PDSS2: variants seen among roughly 807,000 people sequenced by gnomAD.
The protein encoded by PDSS2 is decaprenyl diphosphate synthase subunit 2.
In PDSS2, 31 loss-of-function variants were observed where a neutral mutation model predicts 44.5. The ratio of observed to expected loss-of-function variants is 0.70; its 90% confidence interval spans 0.52 to 0.94. The LOEUF (loss-of-function observed/expected upper bound fraction) is 0.94, where lower values mean the gene tolerates loss of function less well. Ranked by LOEUF, PDSS2 falls within the 40% of genes least tolerant of loss-of-function variation. The pLI, the probability that PDSS2 is intolerant of heterozygous loss-of-function variation, is 0.00. For missense variants in PDSS2, 452 were observed against 482.2 expected (o/e 0.94, Z 0.59); for synonymous variants, 157 against 180.3 (o/e 0.87, Z 1.03).
chr6:107,297,329 T>C (rs982343211), intron 2 of PDSS2, among the ~76,000 whole-genome samples: 1 of 152,042 alleles, frequency 6.6e-6, no homozygotes, highest in Non-Finnish European at 1.5e-5. Context: ...CTAGAAAAAA[T>C]ACTCCCAGAA....
chr6:107,161,252 G>A (rs1457050410), intron 7 of PDSS2, among the ~76,000 whole-genome samples: 4 of 151,758 alleles, frequency 2.6e-5, no homozygotes, highest in Non-Finnish European at 4.4e-5. Context: ...AAGCTGAGGC[G>A]GGCGGATCAC....
chr6:107,294,276 T>G (rs1776438820), intron 2 of PDSS2, among the ~76,000 whole-genome samples: 1 of 152,098 alleles, frequency 6.6e-6, no homozygotes, highest in African/African-American at 2.4e-5. Context: ...AAGCTTAAAA[T>G]TAGATTGCAT....
At chr6:107,291,773 G>A (rs1039401821) in intron 2 of PDSS2, among the ~76,000 whole-genome samples, 2 of 151,954 alleles carry the variant, frequency 1.3e-5, no homozygotes, top group African/African-American at 2.4e-5. Flanking sequence ...AACACTTTGG[G>A]AGGCCAAGGT....
intron 2 of PDSS2, among the ~76,000 whole-genome samples, chr6:107,281,315 C>T (rs1224049648): frequency 6.6e-6 from 1 of 152,136 alleles, no homozygotes; most frequent in Non-Finnish European, 1.5e-5. Context: ...GATGTGTCCA[C>T]CTCTAGACTT....
chr6:107,246,121 T>A (rs1015762816), intron 3 of PDSS2, among the ~76,000 whole-genome samples: 1 of 152,146 alleles, frequency 6.6e-6, no homozygotes, highest in Non-Finnish European at 1.5e-5. Flanking sequence ...TACTGTGGGG[T>A]CCCTGGGTCA....
rs1024838061 is a variant in PDSS2, at chr6:107,402,305, C to CA, written c.296+56684dup. ...AAAAAAAAACAAACCAACAAACAAA[C>CA]AAAAAAAACAAAAAAGAATGGACAA... On this transcript the variant is annotated intron_variant, in intron 1 of 7. Transcript: ENST00000369037. Among the ~76,000 whole-genome samples the CA allele has an allele frequency of 3.5e-4, 51 of 146,086 alleles. No individual in the cohort carries two copies. The East Asian group carries it at 4.4e-3, about 13-fold the overall frequency.
At chr6:107,411,577 A>G (rs1780494855) in intron 1 of PDSS2, among the ~76,000 whole-genome samples, 1 of 152,128 alleles carries the variant, frequency 6.6e-6, no homozygotes, top group Non-Finnish European at 1.5e-5. Flanking sequence ...CACAGATCAA[A>G]AATATTCAGA....
intron 7 of PDSS2, among the ~76,000 whole-genome samples, chr6:107,156,214 TC>T (rs1554245608): frequency 0.02 from 2,935 of 148,448 alleles, 121 homozygotes; most frequent in African/African-American, 0.07. Context: ...TTTTTTTTTT[TC>T]CTGAGATGGA....
intron 1 of PDSS2, among the ~76,000 whole-genome samples, chr6:107,363,459 G>C (rs554524853): frequency 6.6e-6 from 1 of 152,268 alleles, no homozygotes; most frequent in East Asian, 1.9e-4. Flanking sequence ...CGCGGTGAGT[G>C]TTACAGCTCT....
At chr6:107,448,251 C>G (rs1025431860) in intron 1 of PDSS2, among the ~76,000 whole-genome samples, 2 of 152,204 alleles carry the variant, frequency 1.3e-5, no homozygotes, top group African/African-American at 2.4e-5. Context: ...ATTTGTGCAG[C>G]CAGCTTGAAT....
intron 1 of PDSS2, among the ~76,000 whole-genome samples, chr6:107,444,209 T>A (rs967087571): frequency 6.6e-6 from 1 of 152,016 alleles, no homozygotes; most frequent in Non-Finnish European, 1.5e-5. Context: ...TAATTTTTTT[T>A]TTATATAGAT....
Position 107,420,569 on chromosome 6 carries a change from T to C in PDSS2, c.296+38421A>G, listed in dbSNP as rs145349714. Among the ~76,000 whole-genome samples, 82 of 152,228 alleles carry C rather than the reference T, an allele frequency of 5.4e-4. 1 individual carries two copies. The highest frequency in any genetic ancestry group is 3.9e-4 in the Admixed American group (6 of 15,290). ...TCACAAAGGTACAAAAGTAGTTCAATGGAGGGAAAATAGTCTTTTCAACAA... is the reference window on the plus strand; with the variant it reads ...TCACAAAGGTACAAAAGTAGTTCAACGGAGGGAAAATAGTCTTTTCAACAA... On this transcript the variant is annotated intron_variant, in intron 1 of 7. Coordinates refer to ENST00000369037, the MANE Select transcript of PDSS2 (RefSeq NM_020381.4).
At chr6:107,212,836 CAAAA>C (rs68101776) in intron 4 of PDSS2, among the ~76,000 whole-genome samples, 32,824 of 127,764 alleles carry the variant, frequency 0.26, 3,316 homozygotes, top group East Asian at 0.32. Flanking sequence ...CAAGACTCTA[CAAAA>C]AAAAAAAAAA....
intron 1 of PDSS2, among the ~76,000 whole-genome samples, chr6:107,402,290 A>T (rs1289311087): frequency 6.7e-6 from 1 of 150,358 alleles, no homozygotes; most frequent in Non-Finnish European, 1.5e-5. Context: ...AAAAAAAAAC[A>T]AACCAACAAA....
chr6:107,369,520 G>A (rs538374960), intron 1 of PDSS2, among the ~76,000 whole-genome samples: 1 of 152,252 alleles, frequency 6.6e-6, no homozygotes, highest in Non-Finnish European at 1.5e-5. Context: ...ATAGTCCTTA[G>A]AGCTGAAATT....
intron 7 of PDSS2, among the ~76,000 whole-genome samples, chr6:107,180,708 T>C (rs1300462524): frequency 1.3e-5 from 2 of 152,222 alleles, no homozygotes; most frequent in Non-Finnish European, 2.9e-5. Context: ...AAATATTAGA[T>C]ATTATGTAGA....
rs117541386 is a variant in PDSS2, at chr6:107,306,676, G to A, written c.431+27522C>T. ...GGTCCTTCAGATATAGTATGCAGATGTATTATTATACAAGGTTTTTAAAAA... is the reference window on the plus strand; with the variant it reads ...GGTCCTTCAGATATAGTATGCAGATATATTATTATACAAGGTTTTTAAAAA... On this transcript the variant is annotated intron_variant, in intron 2 of 7. Transcript: ENST00000369037. Among the ~76,000 whole-genome samples, 1,005 of 152,184 alleles carry A rather than the reference G, an allele frequency of 6.6e-3. 2 individuals are homozygous for A. The highest frequency in any genetic ancestry group is 0.01 in the Non-Finnish European group (705 of 68,012).
chr6:107,293,294 G>T (rs575531833), intron 2 of PDSS2, among the ~76,000 whole-genome samples: 1 of 152,114 alleles, frequency 6.6e-6, no homozygotes, highest in African/African-American at 2.4e-5. Context: ...CCCATCTACC[G>T]AAGCAAAACG....
At chr6:107,387,267 C>T (rs968700937) in intron 1 of PDSS2, among the ~76,000 whole-genome samples, 3 of 152,236 alleles carry the variant, frequency 2.0e-5, no homozygotes, top group African/African-American at 4.8e-5. Flanking sequence ...TGCAGGTGCA[C>T]CTGTAGCCTC....
Sources: allele counts gnomAD v4.1 joint callset (sites outside exome capture counted in the v4.1 genomes callset), GRCh38; gene constraint gnomAD v4.1.1; transcripts MANE v1.5; gene names NCBI Gene and HGNC (gene_info 2026-07-23, HGNC 2026-07-21).